PIGX: variants seen among roughly 807,000 people sequenced by gnomAD.
The protein encoded by PIGX is GPI alpha-1,4-mannosyltransferase I, stabilizing subunit.
Under a neutral mutation model 28.7 loss-of-function variants are expected in PIGX, and 24 were observed. The observed-to-expected ratio is 0.84, with a 90% CI of 0.60 to 1.17. PIGX has a LOEUF of 1.17. Ranked by LOEUF, PIGX falls within the 50% of genes most tolerant of loss-of-function variation. PIGX has a pLI of 0.00. For missense variants in PIGX, 305 were observed against 317.8 expected (o/e 0.96, Z 0.31); for synonymous variants, 127 against 121.0 (o/e 1.05, Z -0.33).
Position 196,722,465 on chromosome 3 carries a change from C to T in PIGX, c.227C>T (p.Thr76Ile), listed in dbSNP as rs775994845. The change falls in exon 3 of 6, where the codon ACC becomes ATC. Residue 76 changes from threonine to isoleucine, a missense_variant. Coordinates refer to ENST00000392391, the MANE Select transcript of PIGX (RefSeq NM_017861.4). ...GGGGAAAGCATTGAGGACTTGCACA[C>T]CTGCCGTCTCTTAATTAAACAGGAC... 1 of 1,611,874 alleles carries T rather than the reference C, an allele frequency of 6.2e-7. No homozygotes were observed. The highest frequency in any genetic ancestry group is 8.5e-7 in the Non-Finnish European group (1 of 1,177,958).
intron 4 of PIGX, chr3:196,728,685 T>C (rs957851479): frequency 5.2e-6 from 4 of 766,300 alleles, no homozygotes; most frequent in Non-Finnish European, 9.6e-6. Context: ...ACTTCTTTAT[T>C]TACTGGAAAT....
At chr3:196,732,293 T>G (rs570616742) in intron 5 of PIGX, among the ~76,000 whole-genome samples, 1 of 109,678 alleles carries the variant, frequency 9.1e-6, no homozygotes, top group African/African-American at 3.6e-5. Flanking sequence ...ATTTTATTTT[T>G]TTTTTTGAGA....
intron 2 of PIGX, among the ~76,000 whole-genome samples, chr3:196,719,728 G>C (rs562055551): frequency 6.6e-6 from 1 of 151,666 alleles, no homozygotes; most frequent in East Asian, 1.9e-4. Context: ...TTTTCTTTAA[G>C]CAGTCACTTT....
At chr3:196,718,738 G>C (rs1478813085) in intron 2 of PIGX, among the ~76,000 whole-genome samples, 2 of 151,954 alleles carry the variant, frequency 1.3e-5, no homozygotes, top group African/African-American at 4.8e-5. Context: ...AAAATAGTTT[G>C]GGAAACATTT....
At chr3:196,728,227 C>T (rs1369700521) in intron 4 of PIGX, 91 bp downstream of exon 4, 1 of 981,146 alleles carries the variant, frequency 1.0e-6, no homozygotes. Context: ...TGGCAAGGCC[C>T]TATGTCTTGA....
intron 4 of PIGX, 44 bp from the exon 5 acceptor site, chr3:196,730,948 C>A: frequency 8.5e-7 from 1 of 1,176,302 alleles, no homozygotes; most frequent in Non-Finnish European, 1.3e-6. Context: ...AGCTTTCAGT[C>A]CAAATACAGG....
intron 3 of PIGX, among the ~76,000 whole-genome samples, chr3:196,723,232 T>G (rs1000727267): frequency 7.2e-5 from 11 of 151,950 alleles, no homozygotes; most frequent in Admixed American, 5.3e-4. Context: ...TCCCAGCTAC[T>G]TGGGAGGCTG....
At chr3:196,728,769 T>C in intron 4 of PIGX, 1 of 766,378 alleles carries the variant, frequency 1.3e-6, no homozygotes, top group South Asian at 1.3e-5. Flanking sequence ...AGTGCTGTGT[T>C]CTCTTCTCAG....
intron 4 of PIGX, chr3:196,728,419 C>T: frequency 1.7e-6 from 1 of 587,412 alleles, no homozygotes; most frequent in Admixed American, 3.2e-5. Flanking sequence ...CTAAGACGAA[C>T]CCACCATCCT....
intron 2 of PIGX, among the ~76,000 whole-genome samples, chr3:196,720,910 C>G (rs1421567349): frequency 1.3e-5 from 2 of 152,034 alleles, no homozygotes; most frequent in African/African-American, 2.4e-5. Context: ...TCGACAGCCT[C>G]TTTTCTTTTA....
chr3:196,732,275 T>TA (rs1363171563), intron 5 of PIGX, among the ~76,000 whole-genome samples: 40 of 81,342 alleles, frequency 4.9e-4, no homozygotes, highest in African/African-American at 1.9e-3. Flanking sequence ...TATTTTATTT[T>TA]TTTTTTTATT....
intron 1 of PIGX, among the ~76,000 whole-genome samples, chr3:196,715,276 T>C (rs981002769): frequency 6.6e-6 from 1 of 152,198 alleles, no homozygotes; most frequent in African/African-American, 2.4e-5. Flanking sequence ...GCTGTAACAC[T>C]AAAATTTCAT....
intron 2 of PIGX, among the ~76,000 whole-genome samples, chr3:196,720,514 C>T (rs1239978487): frequency 1.3e-5 from 2 of 152,178 alleles, no homozygotes; most frequent in African/African-American, 2.4e-5. Context: ...ACAGGATTTA[C>T]GGTTGTCTCT....
chr3:196,712,731 C>T lies in PIGX; in HGVS notation c.112+87C>T, dbSNP rs564277864. On this transcript the variant is annotated intron_variant, in intron 1 of 5. Transcript: ENST00000392391. The stretch of plus-strand genomic sequence containing the variant: ...GGCGGGTTGCGGGGATGTGGGGACC[C>T]GGCGCGGGACCTAGATCAGTAGGGC... The T allele has an allele frequency of 7.3e-5, 81 of 1,116,836 alleles. No homozygotes were observed. In the African/African-American group the frequency reaches 1.2e-3, roughly 17 times the overall value. The allele number at this position is 1,116,836 out of a possible 1,614,324, so 69.2% of individuals were successfully genotyped here. A position where few individuals can be genotyped will look rare whatever the true frequency, so the allele number is the denominator to read the frequency against.
intron 3 of PIGX, among the ~76,000 whole-genome samples, chr3:196,724,911 C>T (rs1462842617): frequency 6.6e-6 from 1 of 152,136 alleles, no homozygotes; most frequent in African/African-American, 2.4e-5. Flanking sequence ...CTTGACTCTG[C>T]TCCAGGAAAT....
At chr3:196,724,235 G>A (rs573071878) in intron 3 of PIGX, among the ~76,000 whole-genome samples, 1 of 152,042 alleles carries the variant, frequency 6.6e-6, no homozygotes, top group East Asian at 1.9e-4. Context: ...GGCTGATCTC[G>A]AACTCCTGAC....
At chr3:196,730,912 T>C in intron 4 of PIGX, 80 bp from the exon 5 acceptor site, 1 of 741,004 alleles carries the variant, frequency 1.3e-6, no homozygotes, top group Non-Finnish European at 2.4e-6. Context: ...TGACAACTTC[T>C]GTCTATTGAG....
intron 5 of PIGX, among the ~76,000 whole-genome samples, chr3:196,732,216 T>TTATTTATATATATATA (rs1400132891): frequency 9.7e-5 from 5 of 51,338 alleles, no homozygotes; most frequent in African/African-American, 1.8e-4. Flanking sequence ...TATATATTAT[T>TTATTTATATATATATA]TATATATATA....
intron 4 of PIGX, among the ~76,000 whole-genome samples, chr3:196,729,605 T>A (rs1482770452): frequency 6.6e-6 from 1 of 150,904 alleles, no homozygotes; most frequent in African/African-American, 2.4e-5. Context: ...GCCAGACTAG[T>A]CTCGAACTCC....
Sources: gnomAD v4.1 joint callset for allele counts (sites outside exome capture counted in the v4.1 genomes callset) on GRCh38, gnomAD v4.1.1 for gene constraint, MANE v1.5 for transcripts, NCBI Gene and HGNC (gene_info 2026-07-23, HGNC 2026-07-21) for gene names.